SYT16: variants seen among roughly 807,000 people sequenced by gnomAD.
SYT16 encodes synaptotagmin-16.
In SYT16, 42 loss-of-function variants were observed where a neutral mutation model predicts 61.4. The observed-to-expected ratio is 0.68, with a 90% CI of 0.53 to 0.89. The LOEUF (loss-of-function observed/expected upper bound fraction) is 0.89. Among genes scored for constraint, SYT16 ranks in the 40% least tolerant of loss-of-function variants. The pLI is 0.00. For synonymous variants in SYT16, 314 were observed against 302.3 expected, an observed-to-expected ratio of 1.04 and a Z score of -0.40; for missense variants, 804 against 807.3, an observed-to-expected ratio of 1.00 and a Z score of 0.05.
intron 7 of SYT16, among the ~76,000 whole-genome samples, chr14:62,088,794 C>T (rs1047962291): frequency 1.3e-5 from 2 of 151,914 alleles, no homozygotes; most frequent in South Asian, 2.1e-4. Flanking sequence ...GTATAGGGAC[C>T]TCCACTGTAC....
At chr14:61,868,022 T>C (rs1287277146) in intron 1 of SYT16, among the ~76,000 whole-genome samples, 2 of 152,050 alleles carry the variant, frequency 1.3e-5, no homozygotes, top group African/African-American at 2.4e-5. Flanking sequence ...CTTGTTCTTA[T>C]GTATTACCTC....
chr14:61,911,906 A>G (rs116481198), intron 1 of SYT16, among the ~76,000 whole-genome samples: 2 of 152,334 alleles, frequency 1.3e-5, no homozygotes, highest in African/African-American at 4.8e-5. Context: ...TATTATCTGC[A>G]TGGTGCAAAA....
chr14:62,073,695 G>T (rs1274110901), intron 4 of SYT16, among the ~76,000 whole-genome samples: 2 of 152,018 alleles, frequency 1.3e-5, no homozygotes, highest in East Asian at 3.9e-4. Context: ...GTTTTTGTAT[G>T]GTCTGGTTGA....
intron 1 of SYT16, among the ~76,000 whole-genome samples, chr14:61,882,090 T>C (rs779086163): frequency 2.7e-4 from 41 of 152,206 alleles, no homozygotes; most frequent in Non-Finnish European, 4.1e-4. Flanking sequence ...TATTACTTCC[T>C]TCTAATTAGT....
At chr14:62,007,981 A>G (rs1015741991) in intron 3 of SYT16, among the ~76,000 whole-genome samples, 20 of 151,902 alleles carry the variant, frequency 1.3e-4, no homozygotes, top group Admixed American at 5.9e-4. Context: ...CTTTTTTTCA[A>G]TTACCCAGCC....
chr14:61,836,898 T>C (rs926699932), intron 1 of SYT16, among the ~76,000 whole-genome samples: 6 of 152,342 alleles, frequency 3.9e-5, no homozygotes, highest in East Asian at 1.9e-4. Context: ...TTTTCTGTCA[T>C]GATTTCATGC....
intron 1 of SYT16, among the ~76,000 whole-genome samples, chr14:61,839,104 A>G (rs1312898038): frequency 1.3e-5 from 2 of 151,988 alleles, no homozygotes; most frequent in Non-Finnish European, 2.9e-5. Flanking sequence ...GTTCTGTGGG[A>G]GTGCTAAAGG....
At chr14:61,874,091 GC>G (rs1349517455) in intron 1 of SYT16, among the ~76,000 whole-genome samples, 1 of 152,220 alleles carries the variant, frequency 6.6e-6, no homozygotes, top group Non-Finnish European at 1.5e-5. Flanking sequence ...GGGGGTAAGA[GC>G]TGCTGATGGC....
chr14:61,909,437 C>T (rs375484480), intron 1 of SYT16, among the ~76,000 whole-genome samples: 2 of 152,144 alleles, frequency 1.3e-5, no homozygotes, highest in African/African-American at 2.4e-5. Context: ...TCTTTGCCTC[C>T]CCTTATGGCT....
rs561327431 is a variant in SYT16 at position 61,979,743 on chromosome 14, G to A, written c.-145+9432G>A. Among the ~76,000 whole-genome samples the A allele has an allele frequency of 3.9e-4, 59 of 152,232 alleles. No homozygotes were observed. The South Asian group carries it at 7.3e-3, about 19-fold the overall frequency. On this transcript the variant is annotated intron_variant, in intron 2 of 7. Transcript: ENST00000683842. ...CTAAAAATACAAAAATTAGCTGGAC[G>A]TGGTGGCGTGCATCTGTAGTCCCTG...
chr14:62,074,341 G>A (rs1011859030), intron 4 of SYT16, among the ~76,000 whole-genome samples: 1 of 152,158 alleles, frequency 6.6e-6, no homozygotes, highest in African/African-American at 2.4e-5. Flanking sequence ...GAGGGTTTGA[G>A]GGGCACTGTG....
chr14:62,008,041 C>A lies in SYT16; in HGVS notation c.523+11499C>A, dbSNP rs2053294883. 2.0e-5 allele frequency among the ~76,000 whole-genome samples: 3 copies of A among 151,744 alleles called. No homozygotes were observed. In the South Asian group the frequency reaches 6.2e-4, roughly 32 times the overall value. ...ACAGGAACTACAAAATCAATAAGGT[C>A]TTTTTTCATGTATCTTATTTCTTCT... On this transcript the variant is annotated intron_variant, in intron 3 of 7. Coordinates refer to ENST00000683842, the MANE Select transcript of SYT16 (RefSeq NM_001367656.1).
intron 1 of SYT16, among the ~76,000 whole-genome samples, chr14:61,910,681 AC>A (rs2140379936): frequency 6.6e-6 from 1 of 151,154 alleles, no homozygotes; most frequent in Non-Finnish European, 1.5e-5. Flanking sequence ...GTCATGCACC[AC>A]CACGCCAGGC....
intron 1 of SYT16, among the ~76,000 whole-genome samples, chr14:61,924,030 C>T (rs749123861): frequency 3.9e-5 from 6 of 152,106 alleles, no homozygotes; most frequent in Non-Finnish European, 5.9e-5. Context: ...AGATTACTAT[C>T]TATGCTGAAT....
chr14:61,907,799 G>T (rs147531287), intron 1 of SYT16, among the ~76,000 whole-genome samples: 5 of 152,202 alleles, frequency 3.3e-5, no homozygotes, highest in African/African-American at 1.2e-4. Flanking sequence ...TGAGCCCCAG[G>T]GGGGTGCATC....
chr14:61,864,205 T>C (rs748653428), intron 1 of SYT16, among the ~76,000 whole-genome samples: 2 of 152,250 alleles, frequency 1.3e-5, no homozygotes, highest in Non-Finnish European at 2.9e-5. Context: ...AATAAAACTA[T>C]TACGACCCAG....
rs796187620 is a variant in SYT16 at position 62,058,340 on chromosome 14, CTTTTT to C, written c.524-11245_524-11241del. On this transcript the variant is annotated intron_variant, in intron 3 of 7. Coordinates refer to ENST00000683842, the MANE Select transcript of SYT16 (RefSeq NM_001367656.1). ...GTCAAATGTATGTTATGTTTAAATTCTTTTTTTTTTTTTTTTTTTTTTGAGAAGGA... is the reference window on the plus strand; with the variant it reads ...GTCAAATGTATGTTATGTTTAAATTCTTTTTTTTTTTTTTTTTGAGAAGGA... 3.1e-3 allele frequency among the ~76,000 whole-genome samples: 336 copies of C among 109,014 alleles called. 4 individuals are homozygous for C. Among genetic ancestry groups the C allele is most frequent in the African/African-American group, 0.011 (310 of 28,962 alleles). 71.5% of individuals were successfully genotyped at this position (109,014 alleles called of 152,430 possible).
rs189816063 is a variant in SYT16 at position 62,034,540 on chromosome 14, G to C, written c.524-35063G>C. On this transcript the variant is annotated intron_variant, in intron 3 of 7. Transcript: ENST00000683842. ...TTGGCTGTAAAAAGAATGAACTACTGACATATGCTACAACATGGGTGAAGC... is the reference window on the plus strand; with the variant it reads ...TTGGCTGTAAAAAGAATGAACTACTCACATATGCTACAACATGGGTGAAGC... 4.9e-3 allele frequency among the ~76,000 whole-genome samples: 708 copies of C among 145,386 alleles called. 5 individuals carry two copies. Among genetic ancestry groups the C allele is most frequent in the African/African-American group, 0.016 (664 of 41,054 alleles).
At chr14:61,890,624 T>C (rs760198604) in intron 1 of SYT16, among the ~76,000 whole-genome samples, 1 of 152,130 alleles carries the variant, frequency 6.6e-6, no homozygotes, top group South Asian at 2.1e-4. Flanking sequence ...TAGATTTTTA[T>C]AGAGTCTTGA....
Sources: gnomAD v4.1 joint callset for allele counts (sites outside exome capture counted in the v4.1 genomes callset) on GRCh38, gnomAD v4.1.1 for gene constraint, MANE v1.5 for transcripts, NCBI Gene and HGNC (gene_info 2026-07-23, HGNC 2026-07-21) for gene names.